The following SIM1 variants were observed in gnomAD, a reference collection of about 807,000 sequenced individuals.
The protein encoded by SIM1 is SIM bHLH transcription factor 1.
In SIM1, 18 loss-of-function variants were observed where a neutral mutation model predicts 78.2. The ratio of observed to expected loss-of-function variants is 0.23; its 90% CI spans 0.16 to 0.34. The LOEUF (loss-of-function observed/expected upper bound fraction) is 0.34, where lower values mean the gene tolerates loss of function less well. SIM1 is among the 10% of genes least tolerant of loss of function. The pLI is 1.00. For synonymous variants in SIM1, 417 were observed against 385.2 expected, an observed-to-expected ratio of 1.08 and a Z score of -0.97; for missense variants, 939 against 975.1, an observed-to-expected ratio of 0.96 and a Z score of 0.49.
intron 9 of SIM1, among the ~76,000 whole-genome samples, chr6:100,423,757 C>G (rs1283269634): frequency 6.6e-6 from 1 of 152,184 alleles, no homozygotes; most frequent in Non-Finnish European, 1.5e-5. Context: ...GCTGTGAGTC[C>G]TCTGACCTAC....
intron 2 of SIM1, among the ~76,000 whole-genome samples, chr6:100,456,044 GC>G (rs1374056247): frequency 6.6e-6 from 1 of 151,972 alleles, no homozygotes; most frequent in Non-Finnish European, 1.5e-5. Context: ...GCCCTCTCCT[GC>G]CCCACCCCCG....
At chr6:100,456,386 G>A (rs1023049352) in intron 2 of SIM1, among the ~76,000 whole-genome samples, 16 of 152,172 alleles carry the variant, frequency 1.1e-4, no homozygotes, top group African/African-American at 3.9e-4. Flanking sequence ...CAGAAAATTC[G>A]CAAATCCTTT....
chr6:100,400,762 C>G (rs757605625), intron 10 of SIM1, among the ~76,000 whole-genome samples: 1 of 152,028 alleles, frequency 6.6e-6, no homozygotes, highest in Non-Finnish European at 1.5e-5. Flanking sequence ...AGCTAATAAA[C>G]GGGGAAACAT....
intron 2 of SIM1, among the ~76,000 whole-genome samples, chr6:100,461,706 CTCTTTTT>C (rs1772852594): frequency 6.6e-6 from 1 of 152,162 alleles, no homozygotes; most frequent in Admixed American, 6.5e-5. Flanking sequence ...ACAACGAGAT[CTCTTTTT>C]TAAATAGAAG....
At chr6:100,437,830 T>TTG (rs2114526670) in intron 9 of SIM1, among the ~76,000 whole-genome samples, 1 of 152,284 alleles carries the variant, frequency 6.6e-6, no homozygotes, top group East Asian at 1.9e-4. Context: ...GGTTTGTGTG[T>TTG]TGTGGGACTG....
chr6:100,438,611 G>A (rs183888191), intron 9 of SIM1, among the ~76,000 whole-genome samples: 82 of 152,266 alleles, frequency 5.4e-4, no homozygotes, highest in Non-Finnish European at 9.0e-4. Flanking sequence ...CCACTACTGG[G>A]TATCTACCCA....
At chr6:100,392,215 A>T (rs17060492) in intron 11 of SIM1, among the ~76,000 whole-genome samples, 31,543 of 152,178 alleles carry the variant, frequency 0.21, 4,312 homozygotes, top group East Asian at 0.6. Flanking sequence ...TTTTAATAAC[A>T]ACCTGTTTGG....
intron 10 of SIM1, among the ~76,000 whole-genome samples, chr6:100,417,925 G>A (rs1452824145): frequency 2.0e-5 from 3 of 152,214 alleles, no homozygotes; most frequent in Non-Finnish European, 4.4e-5. Context: ...AATTTCAAAT[G>A]AGACGTATGG....
At chr6:100,400,792 T>C (rs1239465484) in intron 10 of SIM1, among the ~76,000 whole-genome samples, 2 of 152,118 alleles carry the variant, frequency 1.3e-5, no homozygotes, top group African/African-American at 4.8e-5. Context: ...TTCCTTACAG[T>C]AGAGTGCCAA....
rs375432071 is a variant in SIM1, at chr6:100,412,653, GAA to G, written c.1167+8135_1167+8136del. ...GAAAGAAAGAAAAGAAAGAAAGAAA[GAA>G]AGAGAGAGAGAGAGAGAGAAAGAAA... On this transcript the variant is annotated intron_variant, in intron 10 of 11. Coordinates refer to ENST00000369208, the MANE Select transcript of SIM1 (RefSeq NM_005068.3). Among the ~76,000 whole-genome samples, 296 of 106,986 alleles carry G rather than the reference GAA, an allele frequency of 2.8e-3. 15 individuals carry two copies. Among genetic ancestry groups the G allele is most frequent in the African/African-American group, 9.4e-3 (267 of 28,346 alleles). The allele number at this position is 106,986 out of a possible 152,430, so 70.2% of individuals were successfully genotyped here.
intron 2 of SIM1, among the ~76,000 whole-genome samples, chr6:100,459,188 C>A (rs780129186): frequency 1.3e-5 from 2 of 152,250 alleles, no homozygotes; most frequent in Non-Finnish European, 2.9e-5. Context: ...TGCTTGAAAG[C>A]ATCCCACCAT....
chr6:100,417,210 G>C (rs534720838), intron 10 of SIM1, among the ~76,000 whole-genome samples: 2 of 152,032 alleles, frequency 1.3e-5, no homozygotes, highest in East Asian at 3.9e-4. Flanking sequence ...TTCTACCCTC[G>C]ACGCTAGGTC....
At chr6:100,452,793 C>G (rs372759143) in intron 3 of SIM1, among the ~76,000 whole-genome samples, 1 of 152,118 alleles carries the variant, frequency 6.6e-6, no homozygotes, top group Non-Finnish European at 1.5e-5. Flanking sequence ...GTGAAGGCCA[C>G]GTCAGTGAGA....
chr6:100,449,503 C>G (rs1300529062), intron 5 of SIM1, 55 bp from the exon 6 acceptor site: 1 of 1,574,114 alleles, frequency 6.4e-7, no homozygotes, highest in Non-Finnish European at 8.7e-7. Context: ...CGGCGTGGGA[C>G]AGCACGCGTC....
intron 10 of SIM1, among the ~76,000 whole-genome samples, chr6:100,401,221 G>A (rs1326139070): frequency 6.6e-6 from 1 of 151,996 alleles, no homozygotes; most frequent in East Asian, 1.9e-4. Flanking sequence ...AAAATAACTG[G>A]GCTGTGTTCT....
intron 2 of SIM1, among the ~76,000 whole-genome samples, chr6:100,457,567 C>A (rs778245989): frequency 1.3e-4 from 20 of 152,244 alleles, no homozygotes; most frequent in Non-Finnish European, 2.6e-4. Context: ...GCAAGTCTTC[C>A]CCGGGCTGAG....
At chr6:100,439,011 C>A (rs1299991414) in intron 9 of SIM1, among the ~76,000 whole-genome samples, 1 of 151,924 alleles carries the variant, frequency 6.6e-6, no homozygotes, top group Non-Finnish European at 1.5e-5. Flanking sequence ...TACAGTGTAC[C>A]CTGCTTGGGT....
intron 10 of SIM1, among the ~76,000 whole-genome samples, chr6:100,408,491 T>C (rs1771108090): frequency 1.3e-5 from 2 of 152,102 alleles, no homozygotes; most frequent in Non-Finnish European, 2.9e-5. Flanking sequence ...CTCTCTTTTC[T>C]TATTCCTGGT....
At chr6:100,422,186 T>A (rs1771606179) in intron 9 of SIM1, among the ~76,000 whole-genome samples, 1 of 152,164 alleles carries the variant, frequency 6.6e-6, no homozygotes, top group Admixed American at 6.5e-5. Flanking sequence ...AGTCTTTGGA[T>A]TGAGAAGCAT....
Sources: gnomAD v4.1 joint callset for allele counts (sites outside exome capture counted in the v4.1 genomes callset) on GRCh38, gnomAD v4.1.1 for gene constraint, MANE v1.5 for transcripts, NCBI Gene and HGNC (gene_info 2026-07-23, HGNC 2026-07-21) for gene names.